Variants in ADAMTSL3 observed in about 807,000 individuals in gnomAD.
ADAMTSL3 encodes ADAMTS-like protein 3.
A neutral mutation model predicts 201.7 loss-of-function variants in ADAMTSL3; 128 were observed. The ratio of observed to expected loss-of-function variants is 0.63; its 90% CI spans 0.55 to 0.73. The LOEUF (loss-of-function observed/expected upper bound fraction) is 0.73, where lower values mean the gene tolerates loss of function less well. ADAMTSL3 is among the 30% of genes least tolerant of loss of function. The pLI, the probability that ADAMTSL3 is intolerant of heterozygous loss-of-function variation, is 0.00. For missense variants in ADAMTSL3, 1,990 were observed against 2,119.6 expected (o/e 0.94, Z 1.20); for synonymous variants, 738 against 748.4 (o/e 0.99, Z 0.23).
chr15:83,794,003 C>T lies in ADAMTSL3; in HGVS notation c.318-10647C>T, dbSNP rs183865402. Among the ~76,000 whole-genome samples, 7 of 152,180 alleles carry T rather than the reference C, an allele frequency of 4.6e-5. No individual in the cohort carries two copies. The East Asian group carries it at 1.4e-3, about 29-fold the overall frequency. On this transcript the variant is annotated intron_variant, in intron 4 of 29. Transcript: ENST00000286744. Reference sequence around the variant, plus strand: ...TTCTAATTAGAAAATGAACAAAGGACACGAATGGATATTTTACCCAAGAGA... The same window carrying T: ...TTCTAATTAGAAAATGAACAAAGGATACGAATGGATATTTTACCCAAGAGA...
intron 3 of ADAMTSL3, among the ~76,000 whole-genome samples, chr15:83,705,048 G>T (rs114093572): frequency 0.011 from 1,619 of 152,074 alleles, 34 homozygotes; most frequent in African/African-American, 0.037. Flanking sequence ...TTGCTTGGCT[G>T]ACATGTGTAA....
chr15:83,951,631 A>G (rs149942971), intron 19 of ADAMTSL3, among the ~76,000 whole-genome samples: 110 of 152,218 alleles, frequency 7.2e-4, no homozygotes, highest in Middle Eastern at 3.4e-3. Flanking sequence ...CAGTGAAGTC[A>G]TTGGATCTCA....
At chr15:84,001,505 G>T (rs1228523544) in intron 23 of ADAMTSL3, among the ~76,000 whole-genome samples, 1 of 152,226 alleles carries the variant, frequency 6.6e-6, no homozygotes, top group Non-Finnish European at 1.5e-5. Flanking sequence ...TACCTAATGA[G>T]TGTGTATACC....
chr15:83,775,330 T>C (rs192325005), intron 4 of ADAMTSL3, among the ~76,000 whole-genome samples: 132 of 152,090 alleles, frequency 8.7e-4, no homozygotes, highest in African/African-American at 3.1e-3. Context: ...GTGTGGGATT[T>C]ATTTGCATTG....
rs147999873 is a variant in ADAMTSL3, at chr15:83,932,720, G to T, written c.2117+8687G>T. Among the ~76,000 whole-genome samples the T allele has an allele frequency of 8.7e-4, 133 of 152,264 alleles. 1 individual carries two copies. In the East Asian group the frequency reaches 0.013, roughly 15 times the overall value. On this transcript the variant is annotated intron_variant, in intron 17 of 29. Transcript: ENST00000286744. ...AATTCATACTGGTCTTGATAGAGGT[G>T]ATGTAAATCCTGCAAGGAGGAATGT...
chr15:84,012,370 C>G (rs2068020922), intron 23 of ADAMTSL3, among the ~76,000 whole-genome samples: 1 of 152,092 alleles, frequency 6.6e-6, no homozygotes, highest in African/African-American at 2.4e-5. Context: ...CTGAAGTTCC[C>G]ATTTTCTTGA....
intron 6 of ADAMTSL3, among the ~76,000 whole-genome samples, chr15:83,835,103 G>A (rs375140340): frequency 7.9e-5 from 12 of 151,988 alleles, no homozygotes; most frequent in East Asian, 5.8e-4. Context: ...GCATGGTGGC[G>A]GGTAGCTGTA....
chr15:83,884,536 A>G (rs762471758), intron 9 of ADAMTSL3, among the ~76,000 whole-genome samples: 1 of 151,656 alleles, frequency 6.6e-6, no homozygotes, highest in East Asian at 1.9e-4. Context: ...TGACCTCCCA[A>G]AGTGCCGAGA....
At chr15:83,886,346 A>G (rs2065391290) in intron 10 of ADAMTSL3, among the ~76,000 whole-genome samples, 2 of 152,210 alleles carry the variant, frequency 1.3e-5, no homozygotes, top group South Asian at 4.1e-4. Context: ...ACCATGTGTC[A>G]AGCCAAGGGT....
intron 13 of ADAMTSL3, 37 bp downstream of exon 13, chr15:83,892,925 C>T (rs1192878596): frequency 2.5e-6 from 4 of 1,582,496 alleles, no homozygotes; most frequent in South Asian, 1.1e-5. Context: ...AATTAATTCT[C>T]ATATTTTAAG....
intron 22 of ADAMTSL3, among the ~76,000 whole-genome samples, chr15:83,989,923 G>A (rs1252516054): frequency 1.3e-5 from 2 of 152,182 alleles, no homozygotes; most frequent in Admixed American, 1.3e-4. Flanking sequence ...ACCTCATATG[G>A]TCTCATAAAG....
At chr15:84,023,329 T>A (rs558968026) in intron 26 of ADAMTSL3, among the ~76,000 whole-genome samples, 1 of 152,226 alleles carries the variant, frequency 6.6e-6, no homozygotes, top group Non-Finnish European at 1.5e-5. Flanking sequence ...ATTTTACTGA[T>A]GAGAAACTGG....
At chr15:83,757,310 G>C (rs1031866068) in intron 3 of ADAMTSL3, among the ~76,000 whole-genome samples, 3 of 152,238 alleles carry the variant, frequency 2.0e-5, no homozygotes, top group Non-Finnish European at 4.4e-5. Flanking sequence ...GGTTCCCAAA[G>C]CTCAATTCTT....
At chr15:83,932,532 A>G (rs1160533417) in intron 17 of ADAMTSL3, among the ~76,000 whole-genome samples, 1 of 152,236 alleles carries the variant, frequency 6.6e-6, no homozygotes, top group East Asian at 1.9e-4. Flanking sequence ...AAATTCAAAA[A>G]ATGAAATCCA....
At chr15:83,846,650 GC>G (rs1363671073) in intron 7 of ADAMTSL3, among the ~76,000 whole-genome samples, 1 of 152,148 alleles carries the variant, frequency 6.6e-6, no homozygotes, top group Admixed American at 6.5e-5. Context: ...TAATCCTCAG[GC>G]CCCACCCTAG....
intron 4 of ADAMTSL3, among the ~76,000 whole-genome samples, chr15:83,802,908 T>C (rs2063546930): frequency 1.3e-5 from 2 of 152,294 alleles, no homozygotes; most frequent in South Asian, 2.1e-4. Context: ...GGCATAGCAA[T>C]GTGAACATAC....
At chr15:83,757,039 G>A (rs1199383244) in intron 3 of ADAMTSL3, among the ~76,000 whole-genome samples, 5 of 152,224 alleles carry the variant, frequency 3.3e-5, no homozygotes. Flanking sequence ...GCTTTCACAG[G>A]CTGGTATTGA....
At chr15:83,933,994 C>T (rs2066413481) in intron 17 of ADAMTSL3, among the ~76,000 whole-genome samples, 1 of 152,132 alleles carries the variant, frequency 6.6e-6, no homozygotes, top group Non-Finnish European at 1.5e-5. Flanking sequence ...TCTGCTGGGG[C>T]AATACAGAAG....
At chr15:83,855,583 A>G (rs186797117) in intron 7 of ADAMTSL3, among the ~76,000 whole-genome samples, 6 of 152,238 alleles carry the variant, frequency 3.9e-5, no homozygotes, top group East Asian at 1.9e-4. Context: ...GGTTTGCACT[A>G]TGATTACGGG....
Sources: gnomAD v4.1 joint callset for allele counts (sites outside exome capture counted in the v4.1 genomes callset) on GRCh38, gnomAD v4.1.1 for gene constraint, MANE v1.5 for transcripts, NCBI Gene and HGNC (gene_info 2026-07-23, HGNC 2026-07-21) for gene names.